SRI: variants seen among roughly 807,000 people sequenced by gnomAD.
SRI encodes 22 kDa protein.
A neutral mutation model predicts 33.3 loss-of-function variants in SRI; 30 were observed. The ratio of observed to expected loss-of-function variants is 0.90; its 90% CI spans 0.67 to 1.22. The LOEUF (loss-of-function observed/expected upper bound fraction) is 1.22, where lower values mean the gene tolerates loss of function less well. SRI is among the 50% of genes most tolerant of loss of function. SRI has a pLI of 0.00. For synonymous variants in SRI, 75 were observed against 89.9 expected, an observed-to-expected ratio of 0.83 and a Z score of 0.94; for missense variants, 243 against 250.8, an observed-to-expected ratio of 0.97 and a Z score of 0.21.
intron 3 of SRI, 24 bp from the exon 4 acceptor site, chr7:88,210,949 A>G (rs772471816): frequency 6.2e-7 from 1 of 1,600,520 alleles, no homozygotes; most frequent in Admixed American, 1.7e-5. Flanking sequence ...AAAAGTACAT[A>G]CATATTAACA....
At chr7:88,219,540 TTTTG>T (rs373452972) in intron 1 of SRI, 22,304 of 174,268 alleles carry the variant, frequency 0.13, 1,632 homozygotes, top group Non-Finnish European at 0.15. Flanking sequence ...CTCACTCGTT[TTTTG>T]TTTGTTTGTT....
chr7:88,211,592 C>T (rs1355892005), intron 3 of SRI, among the ~76,000 whole-genome samples: 3 of 152,166 alleles, frequency 2.0e-5, no homozygotes, highest in African/African-American at 7.2e-5. Flanking sequence ...TGCTTTGTTC[C>T]TACTCATAAA....
intron 3 of SRI, among the ~76,000 whole-genome samples, chr7:88,211,506 T>C (rs766787997): frequency 6.6e-6 from 1 of 152,118 alleles, no homozygotes; most frequent in Non-Finnish European, 1.5e-5. Flanking sequence ...GCTTTGAAAC[T>C]GTAATATAGC....
At chr7:88,217,396 A>G (rs1267458636) in intron 2 of SRI, among the ~76,000 whole-genome samples, 2 of 152,238 alleles carry the variant, frequency 1.3e-5, no homozygotes, top group African/African-American at 4.8e-5. Context: ...TTAATGATGA[A>G]AGAAAGAGTC....
chr7:88,220,131 G>T, upstream of SRI: 3 of 1,350,352 alleles, frequency 2.2e-6, no homozygotes, highest in Non-Finnish European at 2.8e-6. Context: ...CGCACCACGC[G>T]GGCGTGGGGG....
chr7:88,207,220 T>C (rs1391859946), intron 7 of SRI, among the ~76,000 whole-genome samples: 3 of 152,206 alleles, frequency 2.0e-5, no homozygotes, highest in Non-Finnish European at 4.4e-5. Flanking sequence ...TTAGAAATCT[T>C]TTAAGTAGCC....
At chr7:88,216,875 A>G in intron 3 of SRI, 1 of 534,864 alleles carries the variant, frequency 1.9e-6, no homozygotes. Flanking sequence ...CTTGGCTTCA[A>G]GCGATCCTCC....
intron 1 of SRI, 132 bp from the exon 2 acceptor site, chr7:88,219,074 G>C (rs964020698): frequency 8.2e-6 from 6 of 731,574 alleles, no homozygotes; most frequent in Admixed American, 6.0e-5. Flanking sequence ...CCCCACCACC[G>C]GGCACACTCT....
intron 7 of SRI, among the ~76,000 whole-genome samples, chr7:88,207,067 G>A (rs1041741866): frequency 1.2e-4 from 18 of 152,144 alleles, no homozygotes; most frequent in African/African-American, 3.6e-4. Context: ...TGGCTTCCCC[G>A]CTAAACATAA....
At chr7:88,208,753 A>G in intron 6 of SRI, 188 bp from the exon 7 acceptor site, 1 of 826,438 alleles carries the variant, frequency 1.2e-6, no homozygotes, top group South Asian at 2.0e-5. Context: ...TATGCAACAA[A>G]GTAACAGGCA....
intron 1 of SRI, 132 bp downstream of exon 1, chr7:88,219,844 G>A (rs1224353754): frequency 8.8e-7 from 1 of 1,137,846 alleles, no homozygotes; most frequent in Non-Finnish European, 1.2e-6. Context: ...CGAGCGCAGG[G>A]AGAAGCCGAG....
intron 3 of SRI, among the ~76,000 whole-genome samples, chr7:88,211,416 C>T (rs1395158245): frequency 6.6e-6 from 1 of 151,990 alleles, no homozygotes; most frequent in Non-Finnish European, 1.5e-5. Flanking sequence ...GATCATGCCA[C>T]TGCACTCCAG....
At chr7:88,213,127 G>C (rs1194512630) in intron 3 of SRI, among the ~76,000 whole-genome samples, 1 of 152,050 alleles carries the variant, frequency 6.6e-6, no homozygotes, top group Non-Finnish European at 1.5e-5. Flanking sequence ...CAGCCCCACT[G>C]TCTCCTTAGT....
intron 1 of SRI, chr7:88,226,795 C>T: frequency 9.0e-7 from 1 of 1,116,136 alleles, no homozygotes; most frequent in Non-Finnish European, 1.3e-6. Context: ...AGCTTGGAAA[C>T]CCATGGATCA....
At chr7:88,206,980 G>A (rs1182221826) in intron 7 of SRI, among the ~76,000 whole-genome samples, 1 of 152,168 alleles carries the variant, frequency 6.6e-6, no homozygotes. Flanking sequence ...GCATGCAAGT[G>A]TATGTATGCA....
chr7:88,219,121 T>C, intron 1 of SRI, 179 bp from the exon 2 acceptor site: 1 of 635,950 alleles, frequency 1.6e-6, no homozygotes, highest in South Asian at 1.7e-5. Context: ...TCACACCCCG[T>C]AATTTAAAAA....
chr7:88,221,991 A>C (rs1268216007), upstream of SRI, among the ~76,000 whole-genome samples: 1 of 146,794 alleles, frequency 6.8e-6, no homozygotes, highest in Non-Finnish European at 1.5e-5. Flanking sequence ...TTCCAATTTC[A>C]TCCATGTCCC....
At chr7:88,221,957 C>T (rs191872561), upstream of SRI, among the ~76,000 whole-genome samples, 1,241 of 148,290 alleles carry the variant, frequency 8.4e-3, 10 homozygotes, top group Middle Eastern at 0.027. Flanking sequence ...TTTGGTCTTG[C>T]GATAGTTTAC....
chr7:88,215,022 A>C, intron 3 of SRI: 2 of 451,612 alleles, frequency 4.4e-6, no homozygotes, highest in South Asian at 1.6e-5. Flanking sequence ...TCTAGGTATG[A>C]CTGCTTCCTT....
Sources: allele counts gnomAD v4.1 joint callset (sites outside exome capture counted in the v4.1 genomes callset), GRCh38; gene constraint gnomAD v4.1.1; transcripts MANE v1.5; gene names NCBI Gene and HGNC (gene_info 2026-07-23, HGNC 2026-07-21).